FCRLB: variants seen among roughly 807,000 people sequenced by gnomAD.
FCRLB encodes the protein Fc receptor-like B.
In FCRLB, 34 loss-of-function variants were observed where a neutral mutation model predicts 33.6. The observed-to-expected ratio is 1.01, with a 90% CI of 0.77 to 1.35. FCRLB has a LOEUF of 1.35. FCRLB is among the 40% of genes most tolerant of loss of function. The pLI is 0.00. For synonymous variants in FCRLB, 280 were observed against 255.9 expected (o/e 1.09, Z -0.90); for missense variants, 560 against 580.2 (o/e 0.97, Z 0.36).
At chr1:161,727,208 C>G (rs1875763) in intron 7 of FCRLB, 39 bp from the exon 8 acceptor site, 735,051 of 1,538,384 alleles carry the variant, frequency 0.48, 182,401 homozygotes, top group Middle Eastern at 0.52. Flanking sequence ...CGAGAAGAAC[C>G]ATGCAAGCCG....
At chr1:161,724,040 G>C (rs1683461785) in intron 5 of FCRLB, among the ~76,000 whole-genome samples, 1 of 152,180 alleles carries the variant, frequency 6.6e-6, no homozygotes, top group Non-Finnish European at 1.5e-5. Flanking sequence ...GTTGAACAGT[G>C]TGATGCTTCT....
chr1:161,723,677 G>A, intron 5 of FCRLB, 56 bp downstream of exon 5: 1 of 1,577,234 alleles, frequency 6.3e-7, no homozygotes, highest in Non-Finnish European at 8.6e-7. Flanking sequence ...GGCAATACTA[G>A]TCCTCTGGTG....
intron 5 of FCRLB, among the ~76,000 whole-genome samples, chr1:161,725,467 C>A (rs564681995): frequency 1.3e-5 from 2 of 152,094 alleles, no homozygotes; most frequent in South Asian, 4.2e-4. Flanking sequence ...ATGGTGAAAC[C>A]CTGTCTCTAC....
chr1:161,727,495 G>C, exon 8 of FCRLB: 1 of 1,614,214 alleles, frequency 6.2e-7, no homozygotes, highest in Non-Finnish European at 8.5e-7. Context: ...ACCCGACGTG[G>C]ACCTTCTGCT....
At chr1:161,723,689 G>C (rs1683449954) in intron 5 of FCRLB, 68 bp downstream of exon 5, 1 of 1,567,392 alleles carries the variant, frequency 6.4e-7, no homozygotes, top group Non-Finnish European at 8.7e-7. Context: ...CCTCTGGTGG[G>C]AGGGAACACT....
rs768074640 is a variant in FCRLB at position 161,727,001 on chromosome 1, C to T, written c.865+8C>T. 3 of 1,498,466 alleles carry T rather than the reference C, an allele frequency of 2.0e-6. No individual in the cohort carries two copies. Among genetic ancestry groups the T allele is most frequent in the Admixed American group, 4.6e-5 (2 of 43,624 alleles). The allele number at this position is 1,498,466 out of a possible 1,614,324, so 92.8% of individuals were successfully genotyped here. On this transcript the variant is annotated splice_region_variant and intron_variant, in intron 7 of 7. Transcript: ENST00000367948. ...TGCAGCTCCCGGGGCCGGGTGAGTGCCTGCACACCCTCCCGGACGCCGACC... is the reference window on the plus strand; with the variant it reads ...TGCAGCTCCCGGGGCCGGGTGAGTGTCTGCACACCCTCCCGGACGCCGACC...
At chr1:161,721,845 C>T (rs1359957552) in exon 2 of FCRLB, 5 of 152,204 alleles carry the variant, frequency 3.3e-5, no homozygotes, top group Admixed American at 6.5e-5. Flanking sequence ...GACTTCTCTG[C>T]TGCAGGTCAG....
intron 4 of FCRLB, 86 bp from the exon 5 acceptor site, chr1:161,723,281 A>G (rs1287551166): frequency 6.5e-7 from 1 of 1,532,220 alleles, no homozygotes; most frequent in Non-Finnish European, 8.9e-7. Context: ...GTTTCCTAAG[A>G]TTTCCCAAAC....
At chr1:161,725,887 G>T in exon 6 of FCRLB, 1 of 1,614,190 alleles carries the variant, frequency 6.2e-7, no homozygotes, top group Non-Finnish European at 8.5e-7. Context: ...CTGCGCTGCC[G>T]CGGCTGGTAC....
chr1:161,722,668 C>G lies in FCRLB; in HGVS notation c.-5C>G. The G allele has an allele frequency of 6.2e-7, 1 of 1,614,094 alleles. No homozygotes were observed. Among genetic ancestry groups the G allele is most frequent in the Non-Finnish European group, 8.5e-7 (1 of 1,179,964 alleles). On this transcript the variant is annotated 5_prime_UTR_variant, in exon 3 of 8. It adds an upstream start codon to the 5' untranslated region. Transcript: ENST00000367948. The stretch of plus-strand genomic sequence containing the variant: ...CCTTCTGCAGCTGCTGCAGTCAGAT[C>G]CATCATGTGGCCACTGACAGCCCTT...
exon 8 of FCRLB, chr1:161,727,341 G>C: frequency 6.2e-7 from 1 of 1,613,706 alleles, no homozygotes; most frequent in Non-Finnish European, 8.5e-7. Flanking sequence ...GAAAGCCCCC[G>C]GTGTCCAGAT....
chr1:161,726,904 T>A lies in FCRLB; in HGVS notation c.776T>A (p.Val259Asp). ...GAGTACACAGTCCCGGAGCCCGAGG[T>A]CGAGGAGCTCGAATCGTACTGGTGC... The change falls in exon 7 of 8, where the codon GTC becomes GAC. Residue 259 changes from valine to aspartate, a missense_variant. Transcript: ENST00000367948. This position sits in a 1 kb window ranked among gnomAD's most constrained non-coding sequence, Gnocchi z 5.2. 6.3e-7 allele frequency: 1 copy of A among 1,588,212 alleles called. No individual in the cohort carries two copies. Among genetic ancestry groups the A allele is most frequent in the South Asian group, 1.1e-5 (1 of 88,062 alleles).
chr1:161,722,684 G>A (rs2101673248), exon 3 of FCRLB: 1 of 1,614,138 alleles, frequency 6.2e-7, no homozygotes, highest in Non-Finnish European at 8.5e-7. Context: ...TGTGGCCACT[G>A]ACAGCCCTTC....
chr1:161,725,701 G>C, intron 5 of FCRLB, 120 bp from the exon 6 acceptor site: 2 of 1,177,202 alleles, frequency 1.7e-6, no homozygotes, highest in Non-Finnish European at 2.4e-6. Flanking sequence ...AAAGCGGTGG[G>C]AGATGGCGGG....
chr1:161,721,601 T>C (rs1313582135), exon 1 of FCRLB: 1 of 152,210 alleles, frequency 6.6e-6, no homozygotes, highest in Non-Finnish European at 1.5e-5. Flanking sequence ...TACCTGATAA[T>C]TGATCTCCTT....
At chr1:161,722,032 G>C (rs1683390102) in intron 2 of FCRLB, among the ~76,000 whole-genome samples, 182 bp downstream of exon 2, 1 of 152,172 alleles carries the variant, frequency 6.6e-6, no homozygotes, top group African/African-American at 2.4e-5. Flanking sequence ...TTTCAGGAAG[G>C]GAGGAAGAAG....
At position 161,726,190 on chromosome 1, in the gene FCRLB, C is replaced by T. The variant is rs1265750803; in HGVS notation, c.574+103C>T. 2 of 1,567,998 alleles carry T rather than the reference C, an allele frequency of 1.3e-6. No individual in the cohort carries two copies. The highest frequency in any genetic ancestry group is 1.3e-5 in the African/African-American group (1 of 74,194). On this transcript the variant is annotated intron_variant, in intron 6 of 7. Coordinates refer to ENST00000367948, the Ensembl canonical transcript of FCRLB. This position sits in a 1 kb window ranked among gnomAD's most constrained non-coding sequence, Gnocchi z 5.2. ...AAGGGGCGGAAGTTCAAATAGCTGC[C>T]ACTTGGAGGGTTTCTCTTAGACTAT... is the stretch of plus-strand genomic sequence containing the variant.
At chr1:161,727,428 G>A (rs1683630566) in exon 8 of FCRLB, 3 of 1,613,164 alleles carry the variant, frequency 1.9e-6, no homozygotes, top group Admixed American at 3.3e-5. Context: ...CCCCGACTGC[G>A]GGGCCACCCG....
chr1:161,723,579 G>A (rs756981625), exon 5 of FCRLB: 1 of 1,614,208 alleles, frequency 6.2e-7, no homozygotes, highest in Non-Finnish European at 8.5e-7. Context: ...CCAGACACGG[G>A]GAGCACCCGT....
Sources: gnomAD v4.1 joint callset for allele counts (sites outside exome capture counted in the v4.1 genomes callset) on GRCh38, gnomAD v4.1.1 for gene constraint, Gnocchi (gnomAD v3.1) non-coding constraint, MANE v1.5 for transcripts, NCBI Gene and HGNC (gene_info 2026-07-23, HGNC 2026-07-21) for gene names.